Variants in DDX19B observed in about 807,000 individuals in gnomAD.
DDX19B encodes the protein ATP-dependent RNA helicase DDX19B.
A neutral mutation model predicts 58.1 loss-of-function variants in DDX19B; 27 were observed. The observed-to-expected ratio is 0.46, with a 90% confidence interval of 0.34 to 0.64. DDX19B has a LOEUF of 0.64. Ranked by LOEUF, DDX19B falls within the 30% of genes least tolerant of loss-of-function variation. DDX19B has a pLI of 0.01. For missense variants in DDX19B, 399 were observed against 596.5 expected, an observed-to-expected ratio of 0.67 and a Z score of 3.45; for synonymous variants, 187 against 214.4, an observed-to-expected ratio of 0.87 and a Z score of 1.12.
chr16:70,303,038 T>G (rs1961559657), intron 1 of DDX19B, among the ~76,000 whole-genome samples: 1 of 152,252 alleles, frequency 6.6e-6, no homozygotes, highest in Non-Finnish European at 1.5e-5. Flanking sequence ...TTCTTTGAAG[T>G]GGCTTTTCAA....
At chr16:70,324,316 T>C (rs933254017) in intron 5 of DDX19B, among the ~76,000 whole-genome samples, 4 of 138,708 alleles carry the variant, frequency 2.9e-5, no homozygotes, top group African/African-American at 8.4e-5. Context: ...TGAGCCAAGA[T>C]TGTGCCACTG....
chr16:70,297,401 T>C (rs1180601002), upstream of DDX19B, among the ~76,000 whole-genome samples: 4 of 150,896 alleles, frequency 2.7e-5, no homozygotes, highest in East Asian at 5.9e-4. Flanking sequence ...TTAGTAGAGA[T>C]AGGGTTTCAC....
chr16:70,323,342 A>G (rs1185891081), intron 5 of DDX19B, among the ~76,000 whole-genome samples: 1 of 152,044 alleles, frequency 6.6e-6, no homozygotes, highest in Non-Finnish European at 1.5e-5. Context: ...CCTAGGCTCA[A>G]GAAATCACCC....
chr16:70,292,108 C>T (rs117304907), upstream of DDX19B, among the ~76,000 whole-genome samples: 133 of 151,354 alleles, frequency 8.8e-4, 1 homozygote, highest in East Asian at 0.019. Context: ...GCTGAGATCT[C>T]GCGACTGCAC....
intron 1 of DDX19B, among the ~76,000 whole-genome samples, chr16:70,308,017 A>G (rs1179073967): frequency 1.3e-5 from 2 of 151,990 alleles, no homozygotes; most frequent in African/African-American, 4.8e-5. Flanking sequence ...CAGTGGCACC[A>G]TGTCGGCTCA....
chr16:70,294,031 T>C (rs1961129357), upstream of DDX19B, among the ~76,000 whole-genome samples: 1 of 151,908 alleles, frequency 6.6e-6, no homozygotes, highest in Admixed American at 6.6e-5. Context: ...CTTAAAATAT[T>C]GCTAAATTGA....
intron 2 of DDX19B, among the ~76,000 whole-genome samples, chr16:70,313,798 G>A (rs1364142999): frequency 2.6e-5 from 4 of 151,816 alleles, no homozygotes; most frequent in East Asian, 3.9e-4. Flanking sequence ...AGTATCATTC[G>A]ACTATAAATT....
At position 70,324,640 on chromosome 16, in the gene DDX19B, G is replaced by A. The variant is rs34607244; in HGVS notation, c.445G>A (p.Val149Met). The change falls in exon 6 of 12, where the codon GTG (valine) becomes ATG (methionine). Residue 149 changes from valine to methionine, a missense_variant. By Grantham distance (21) the Val-to-Met change is conservative. Coordinates refer to ENST00000288071, the MANE Select transcript of DDX19B (RefSeq NM_007242.7). ...TGGTACTGGTAAAACAGCTGCCTTC[G>A]TGCTGGCCATGCTTAGCCAAGTAGA... Reference protein sequence around the residue: ...QSGTGKTAAFVLAMLSQVEPA... With the variant: ...QSGTGKTAAFMLAMLSQVEPA... The A allele has an allele frequency of 1.1e-5, 17 of 1,613,824 alleles. No individual in the cohort carries two copies. Among genetic ancestry groups the A allele is most frequent in the Middle Eastern group, 3.3e-4 (2 of 6,060 alleles).
At position 70,301,694 on chromosome 16, in the gene DDX19B, C is replaced by CT. The variant is rs1294712792; in HGVS notation, c.57+2341dup. Among the ~76,000 whole-genome samples, 681 of 148,580 alleles carry CT rather than the reference C, an allele frequency of 4.6e-3. 8 individuals carry two copies. Among genetic ancestry groups the CT allele is most frequent in the African/African-American group, 0.016 (640 of 39,732 alleles). ...ACTTTCTCTCTTTCTTTCTCTCTCT[C>CT]TCTTTTTTTTTTTTTTTTAAGACAG... On this transcript the variant is annotated intron_variant, in intron 1 of 11. Coordinates refer to ENST00000288071, the MANE Select transcript of DDX19B (RefSeq NM_007242.7).
chr16:70,299,202 G>GCTGGAGCAGAGC lies in DDX19B; in HGVS notation c.-92_-81dup, dbSNP rs1306374498. The GCTGGAGCAGAGC allele has an allele frequency of 1.1e-5, 16 of 1,426,754 alleles. No homozygotes were observed. The highest frequency in any genetic ancestry group is 1.4e-5 in the Non-Finnish European group (15 of 1,091,744). 88.4% of individuals were successfully genotyped at this position (1,426,754 alleles called of 1,614,324 possible). ...TTCCGGTCTGCAGCCTTGTAGTGGG[G>GCTGGAGCAGAGC]CTGGAGCAGAGCCTGCCGCGAACCC... On this transcript the variant is annotated 5_prime_UTR_variant, in exon 1 of 12. Coordinates refer to ENST00000288071, the MANE Select transcript of DDX19B (RefSeq NM_007242.7).
intron 7 of DDX19B, among the ~76,000 whole-genome samples, chr16:70,328,062 G>A (rs1469168047): frequency 2.6e-5 from 4 of 151,764 alleles, no homozygotes; most frequent in Non-Finnish European, 5.9e-5. Flanking sequence ...GCTGAGGCAG[G>A]AGAATTGCTT....
rs375923338 is a variant in DDX19B at position 70,325,734 on chromosome 16, A to G, written c.607+46A>G. The G allele has an allele frequency of 4.3e-6, 6 of 1,383,392 alleles. No individual in the cohort carries two copies. The African/African-American group carries it at 8.6e-5, about 20-fold the overall frequency. The allele number at this position is 1,383,392 out of a possible 1,614,324, so 85.7% of individuals were successfully genotyped here. A position where few individuals can be genotyped will look rare whatever the true frequency, so the allele number is the denominator to read the frequency against. Reference sequence around the variant, plus strand: ...CTAAATCATCAACCTAATTCTTTTTATTTTGAAATATTTCAAAACCCACCC... The same window carrying G: ...CTAAATCATCAACCTAATTCTTTTTGTTTTGAAATATTTCAAAACCCACCC... On this transcript the variant is annotated intron_variant, in intron 7 of 11. Coordinates refer to ENST00000288071, the MANE Select transcript of DDX19B (RefSeq NM_007242.7).
intron 1 of DDX19B, among the ~76,000 whole-genome samples, chr16:70,303,496 C>A (rs1215069650): frequency 1.3e-5 from 2 of 152,098 alleles, no homozygotes; most frequent in Non-Finnish European, 2.9e-5. Context: ...TGTCTTTTTT[C>A]AACAGTACTT....
upstream of DDX19B, among the ~76,000 whole-genome samples, chr16:70,293,894 A>G (rs1360239541): frequency 6.6e-6 from 1 of 150,954 alleles, no homozygotes; most frequent in Non-Finnish European, 1.5e-5. Flanking sequence ...TACAGGCGTG[A>G]GCCACCGCGC....
chr16:70,332,818 T>G, intron 10 of DDX19B, 150 bp from the exon 11 acceptor site: 9 of 1,445,786 alleles, frequency 6.2e-6, no homozygotes, highest in Non-Finnish European at 8.5e-6. Flanking sequence ...GCACGGCCTT[T>G]CAGATCTGGC....
At chr16:70,295,596 G>C (rs1233094105), upstream of DDX19B, among the ~76,000 whole-genome samples, 1 of 152,096 alleles carries the variant, frequency 6.6e-6, no homozygotes, top group Non-Finnish European at 1.5e-5. Context: ...CCTGGGATGA[G>C]TATACGGAGA....
intron 1 of DDX19B, among the ~76,000 whole-genome samples, chr16:70,312,362 T>A (rs1047399027): frequency 3.9e-5 from 6 of 152,046 alleles, no homozygotes; most frequent in Admixed American, 6.6e-5. Flanking sequence ...AAATTACAAT[T>A]CTCTCACAGA....
intron 5 of DDX19B, among the ~76,000 whole-genome samples, chr16:70,321,694 T>A (rs1962826413): frequency 2.0e-5 from 3 of 152,100 alleles, no homozygotes; most frequent in Admixed American, 2.0e-4. Context: ...CACTTAAAAG[T>A]GGGTAAAAGG....
intron 10 of DDX19B, among the ~76,000 whole-genome samples, chr16:70,332,703 C>T (rs1349686839): frequency 1.3e-5 from 2 of 152,136 alleles, no homozygotes; most frequent in Non-Finnish European, 2.9e-5. Flanking sequence ...CTCCAACTCT[C>T]AGGGACTCAT....
Sources: gnomAD v4.1 joint callset for allele counts (sites outside exome capture counted in the v4.1 genomes callset) on GRCh38, gnomAD v4.1.1 for gene constraint, MANE v1.5 for transcripts, NCBI Gene and HGNC (gene_info 2026-07-23, HGNC 2026-07-21) for gene names.